The following MDGA2 variants were observed in gnomAD, a reference collection of about 807,000 sequenced individuals.
MDGA2 encodes MAM domain-containing glycosylphosphatidylinositol anchor protein 2.
In MDGA2, 40 loss-of-function variants were observed where a neutral mutation model predicts 117.8. The ratio of observed to expected loss-of-function variants is 0.34; its 90% CI spans 0.26 to 0.44. MDGA2 has a LOEUF of 0.44. Among genes scored for constraint, MDGA2 ranks in the 20% least tolerant of loss-of-function variants. MDGA2 has a pLI of 1.00. For missense variants in MDGA2, 1,123 were observed against 1,250.6 expected, an observed-to-expected ratio of 0.90 and a Z score of 1.54; for synonymous variants, 452 against 439.0, an observed-to-expected ratio of 1.03 and a Z score of -0.37.
chr14:46,907,506 G>A (rs1044579992), intron 10 of MDGA2, among the ~76,000 whole-genome samples: 5 of 152,044 alleles, frequency 3.3e-5, no homozygotes, highest in Admixed American at 6.5e-5. Flanking sequence ...TGTAAATTTT[G>A]TCCAAGAGAC....
In MDGA2 at chr14:47,055,054, T is replaced by C. The variant is rs889385777; in HGVS notation, c.1525+6195A>G. Among the ~76,000 whole-genome samples the C allele has an allele frequency of 5.3e-5, 8 of 151,258 alleles. No homozygotes were observed. The South Asian group carries it at 1.7e-3, about 32-fold the overall frequency. ...CTCACTCTGTCACCCAGGCAATTTT[T>C]ATCTTAATGAAAGTGTTTTGCCTCT... On this transcript the variant is annotated intron_variant, in intron 7 of 16. Transcript: ENST00000399232.
intron 1 of MDGA2, among the ~76,000 whole-genome samples, chr14:47,668,794 A>T (rs1025821851): frequency 6.6e-6 from 1 of 152,228 alleles, no homozygotes; most frequent in Non-Finnish European, 1.5e-5. Context: ...TATCTTATTT[A>T]ACTGAGATGA....
chr14:47,453,930 TTTGC>T (rs1893292385), intron 1 of MDGA2, among the ~76,000 whole-genome samples: 1 of 152,196 alleles, frequency 6.6e-6, no homozygotes, highest in African/African-American at 2.4e-5. Flanking sequence ...AAGGGGTATC[TTTGC>T]TCCTGTGAGT....
chr14:46,970,030 C>A (rs1372569259), intron 8 of MDGA2, among the ~76,000 whole-genome samples: 1 of 145,888 alleles, frequency 6.9e-6, no homozygotes. Context: ...AACTACAGAA[C>A]TGATGAAATA....
intron 13 of MDGA2, 199 bp downstream of exon 13, chr14:46,873,846 T>C: frequency 1.8e-6 from 1 of 569,316 alleles, no homozygotes; most frequent in South Asian, 3.8e-5. Flanking sequence ...TCCTATTCTC[T>C]CTACTATATG....
At chr14:46,858,076 A>T (rs1004058656) in intron 14 of MDGA2, among the ~76,000 whole-genome samples, 1 of 151,492 alleles carries the variant, frequency 6.6e-6, no homozygotes, top group Admixed American at 6.6e-5. Context: ...GTACTTATAT[A>T]TAATGTAACT....
At chr14:47,140,131 G>A (rs1470250579) in intron 4 of MDGA2, among the ~76,000 whole-genome samples, 1 of 151,616 alleles carries the variant, frequency 6.6e-6, no homozygotes, top group African/African-American at 2.4e-5. Context: ...AACCAAGGAG[G>A]GGAAAGATGG....
chr14:47,610,160 G>T (rs951393960), intron 1 of MDGA2, among the ~76,000 whole-genome samples: 1 of 152,002 alleles, frequency 6.6e-6, no homozygotes, highest in African/African-American at 2.4e-5. Context: ...GCATAAAAGG[G>T]ATATACCTCA....
intron 8 of MDGA2, among the ~76,000 whole-genome samples, chr14:46,974,647 T>C (rs1886388808): frequency 1.3e-5 from 2 of 152,142 alleles, no homozygotes; most frequent in African/African-American, 2.4e-5. Context: ...TTTCAACAAA[T>C]GGTGTTGTGA....
intron 3 of MDGA2, among the ~76,000 whole-genome samples, chr14:47,202,368 A>AT (rs1885539332): frequency 6.6e-6 from 1 of 152,218 alleles, no homozygotes; most frequent in Non-Finnish European, 1.5e-5. Context: ...AGATTAACTC[A>AT]TTAACACATT....
intron 1 of MDGA2, among the ~76,000 whole-genome samples, chr14:47,368,101 G>A (rs1264778244): frequency 6.6e-6 from 1 of 151,724 alleles, no homozygotes; most frequent in Non-Finnish European, 1.5e-5. Flanking sequence ...CCAACATGGT[G>A]AAACCCCGTC....
intron 10 of MDGA2, among the ~76,000 whole-genome samples, chr14:46,885,685 A>T (rs1049947719): frequency 1.3e-5 from 2 of 152,150 alleles, no homozygotes; most frequent in Non-Finnish European, 2.9e-5. Flanking sequence ...GCCTGCCACA[A>T]TATCATGAAT....
At chr14:47,554,257 T>C (rs4900782) in intron 1 of MDGA2, among the ~76,000 whole-genome samples, 94,272 of 151,724 alleles carry the variant, frequency 0.62, 30,389 homozygotes, top group East Asian at 0.98. Context: ...TGTTTTATTT[T>C]CCAGAAAAGC....
At chr14:47,618,133 T>C (rs958547599) in intron 1 of MDGA2, among the ~76,000 whole-genome samples, 4 of 152,124 alleles carry the variant, frequency 2.6e-5, no homozygotes, top group African/African-American at 9.7e-5. Context: ...GAGACAAGGA[T>C]AAACATATGC....
At chr14:47,409,789 A>G (rs1021592346) in intron 1 of MDGA2, among the ~76,000 whole-genome samples, 4 of 152,110 alleles carry the variant, frequency 2.6e-5, no homozygotes, top group Non-Finnish European at 2.9e-5. Flanking sequence ...GCAGAAAGAC[A>G]GTCAATTTGT....
At chr14:47,610,219 A>G (rs931484652) in intron 1 of MDGA2, among the ~76,000 whole-genome samples, 9 of 152,168 alleles carry the variant, frequency 5.9e-5, no homozygotes, top group African/African-American at 2.2e-4. Flanking sequence ...ATAATACTGA[A>G]TGGGGAAAAG....
chr14:47,252,782 G>A (rs1334776451), intron 2 of MDGA2, among the ~76,000 whole-genome samples: 1 of 152,156 alleles, frequency 6.6e-6, no homozygotes, highest in Non-Finnish European at 1.5e-5. Context: ...AATAAAGGAA[G>A]AAAATAACAT....
At chr14:47,581,622 C>A (rs1490718751) in intron 1 of MDGA2, among the ~76,000 whole-genome samples, 2 of 151,888 alleles carry the variant, frequency 1.3e-5, no homozygotes, top group African/African-American at 2.4e-5. Flanking sequence ...ATAACCAGAA[C>A]CTGAGCAGAG....
intron 1 of MDGA2, among the ~76,000 whole-genome samples, chr14:47,384,066 G>A (rs892376470): frequency 4.6e-5 from 7 of 151,816 alleles, no homozygotes; most frequent in African/African-American, 1.5e-4. Context: ...ATTCCATATT[G>A]GTTAGTAACT....
Sources: gnomAD v4.1 joint callset for allele counts (sites outside exome capture counted in the v4.1 genomes callset) on GRCh38, gnomAD v4.1.1 for gene constraint, MANE v1.5 for transcripts, NCBI Gene and HGNC (gene_info 2026-07-23, HGNC 2026-07-21) for gene names.